The following ELFN2 variants were observed in gnomAD, a reference collection of about 807,000 sequenced individuals.
ELFN2 encodes the protein extracellular leucine rich repeat and fibronectin type III domain containing 2.
A neutral mutation model predicts 45.5 loss-of-function variants in ELFN2; 17 were observed. The ratio of observed to expected loss-of-function variants is 0.37; its 90% CI spans 0.26 to 0.56. The LOEUF (loss-of-function observed/expected upper bound fraction) is 0.56. ELFN2 is among the 20% of genes least tolerant of loss of function. The pLI, the probability that ELFN2 is intolerant of heterozygous loss-of-function variation, is 0.77. For synonymous variants in ELFN2, 550 were observed against 551.5 expected, an observed-to-expected ratio of 1.00 and a Z score of 0.04; for missense variants, 922 against 1,183.2, an observed-to-expected ratio of 0.78 and a Z score of 3.24.
intron 1 of ELFN2, among the ~76,000 whole-genome samples, chr22:37,362,957 C>A (rs1490143972): frequency 6.6e-6 from 1 of 152,190 alleles, no homozygotes; most frequent in Non-Finnish European, 1.5e-5. Context: ...GTCCACAGCC[C>A]ATTGCCAGCA....
intron 1 of ELFN2, among the ~76,000 whole-genome samples, chr22:37,362,120 G>A (rs1184636563): frequency 6.6e-6 from 1 of 152,224 alleles, no homozygotes; most frequent in Non-Finnish European, 1.5e-5. Flanking sequence ...CAGGTGCTTG[G>A]AGCATGGTCA....
intron 2 of ELFN2, among the ~76,000 whole-genome samples, chr22:37,342,333 T>C (rs1315767875): frequency 2.0e-5 from 3 of 152,204 alleles, no homozygotes; most frequent in Non-Finnish European, 4.4e-5. Context: ...TCTCCCATTA[T>C]TGCCCTTTCT....
At chr22:37,343,665 G>A (rs1014746927) in intron 1 of ELFN2, among the ~76,000 whole-genome samples, 1 of 151,976 alleles carries the variant, frequency 6.6e-6, no homozygotes, top group Non-Finnish European at 1.5e-5. Context: ...AGGAGGGAGT[G>A]CAGAGAGCGG....
At chr22:37,345,398 C>A (rs965826765) in intron 1 of ELFN2, among the ~76,000 whole-genome samples, 1 of 152,126 alleles carries the variant, frequency 6.6e-6, no homozygotes, top group South Asian at 2.1e-4. Context: ...CTTCTCTGAG[C>A]CTTAGTTCCT....
At chr22:37,392,227 C>T (rs749941401) in intron 2 of ELFN2, among the ~76,000 whole-genome samples, 1 of 152,138 alleles carries the variant, frequency 6.6e-6, no homozygotes, top group African/African-American at 2.4e-5. Context: ...AGTGAGCCCA[C>T]CCTTGTTAAG....
At chr22:37,378,173 G>A (rs1000008404) in intron 2 of ELFN2, among the ~76,000 whole-genome samples, 2 of 152,246 alleles carry the variant, frequency 1.3e-5, no homozygotes, top group African/African-American at 2.4e-5. Flanking sequence ...GTGTGCACAC[G>A]TCCTCTGCAT....
intron 2 of ELFN2, among the ~76,000 whole-genome samples, chr22:37,399,258 C>T (rs1396393429): frequency 6.6e-6 from 1 of 152,152 alleles, no homozygotes; most frequent in Non-Finnish European, 1.5e-5. Flanking sequence ...TCAAAGCTGC[C>T]TCCTACAGGA....
chr22:37,399,634 C>T (rs13057409), intron 2 of ELFN2, among the ~76,000 whole-genome samples: 11 of 147,912 alleles, frequency 7.4e-5, no homozygotes, highest in African/African-American at 1.8e-4. Flanking sequence ...ACGGGGACCA[C>T]CAGCCCACCT....
chr22:37,397,642 CCTT>C (rs568629289), intron 2 of ELFN2, among the ~76,000 whole-genome samples: 22 of 152,296 alleles, frequency 1.4e-4, no homozygotes, highest in Non-Finnish European at 2.2e-4. Flanking sequence ...CCCCGCGTGA[CCTT>C]CTTATGTGGG....
intron 2 of ELFN2, among the ~76,000 whole-genome samples, chr22:37,412,976 CTG>C (rs1932686627): frequency 6.6e-6 from 1 of 152,196 alleles, no homozygotes; most frequent in Non-Finnish European, 1.5e-5. Context: ...GCGGGGACCT[CTG>C]AGCATAGGTC....
intron 1 of ELFN2, among the ~76,000 whole-genome samples, chr22:37,418,255 G>C (rs1932781310): frequency 6.6e-6 from 1 of 151,992 alleles, no homozygotes; most frequent in Non-Finnish European, 1.5e-5. Flanking sequence ...AGATGGGGCA[G>C]GGAGAGGAGA....
At chr22:37,405,815 C>A (rs1048692935) in intron 2 of ELFN2, among the ~76,000 whole-genome samples, 2 of 147,964 alleles carry the variant, frequency 1.4e-5, no homozygotes, top group African/African-American at 2.6e-5. Context: ...CAGGTTCCTC[C>A]CTTTAGGAAA....
At chr22:37,421,552 G>T (rs1046414795) in intron 1 of ELFN2, among the ~76,000 whole-genome samples, 2 of 152,136 alleles carry the variant, frequency 1.3e-5, no homozygotes, top group African/African-American at 4.8e-5. Flanking sequence ...CTTGTCAGAG[G>T]TTCCCGTGTC....
intron 2 of ELFN2, among the ~76,000 whole-genome samples, chr22:37,379,918 C>T (rs1931702226): frequency 6.6e-6 from 1 of 152,320 alleles, no homozygotes; most frequent in East Asian, 1.9e-4. Context: ...CTGGCTCAGT[C>T]CCACCCCTGC....
At chr22:37,421,686 G>A (rs546440343) in intron 1 of ELFN2, among the ~76,000 whole-genome samples, 28 of 152,310 alleles carry the variant, frequency 1.8e-4, no homozygotes, top group African/African-American at 5.8e-4. Flanking sequence ...GTGTGTGCAC[G>A]CGCCATCTGA....
At chr22:37,350,482 A>G (rs1930796944) in intron 1 of ELFN2, among the ~76,000 whole-genome samples, 1 of 150,266 alleles carries the variant, frequency 6.7e-6, no homozygotes, top group African/African-American at 2.4e-5. Context: ...CAGGCCCACT[A>G]CTGATCCCAC....
At position 37,373,337 on chromosome 22, in the gene ELFN2, G is replaced by T. The variant is rs200736226; in HGVS notation, c.2198C>A (p.Pro733Gln). Residue 733 changes from proline to glutamine, a missense_variant, in exon 3 of 3, where the codon CCG (proline) becomes CAG (glutamine). By Grantham distance (76) the Pro-to-Gln change is moderately conservative. Coordinates refer to ENST00000402918, the MANE Select transcript of ELFN2 (RefSeq NM_052906.5). ...GGAGTCACGCTTGGAGCGGGTCAGC[G>T]GCTTGAGGAAGGACACGCGCTGGCT... ...SLSQRVSFLK[P>Q]LTRSKRDSTY... 9 of 1,613,542 alleles carry T rather than the reference G, an allele frequency of 5.6e-6. No homozygotes were observed. The highest frequency in any genetic ancestry group is 7.6e-6 in the Non-Finnish European group (9 of 1,180,018).
intron 2 of ELFN2, among the ~76,000 whole-genome samples, chr22:37,382,657 C>T (rs1931822729): frequency 6.7e-6 from 1 of 150,240 alleles, no homozygotes; most frequent in African/African-American, 2.5e-5. Flanking sequence ...TCAAGCAATT[C>T]TCGTGTCTCA....
intron 2 of ELFN2, among the ~76,000 whole-genome samples, chr22:37,379,112 T>C (rs1208413726): frequency 1.3e-5 from 2 of 151,860 alleles, no homozygotes; most frequent in African/African-American, 4.8e-5. Context: ...AGCAAAAATA[T>C]CAAGACAGCC....
Sources: allele counts gnomAD v4.1 joint callset (sites outside exome capture counted in the v4.1 genomes callset), GRCh38; gene constraint gnomAD v4.1.1; transcripts MANE v1.5; gene names NCBI Gene and HGNC (gene_info 2026-07-23, HGNC 2026-07-21).